GRIP2: variants seen among roughly 807,000 people sequenced by gnomAD.
The protein encoded by GRIP2 is glutamate receptor-interacting protein 2.
Under a neutral mutation model 108.3 loss-of-function variants are expected in GRIP2, and 58 were observed. The ratio of observed to expected loss-of-function variants is 0.54; its 90% confidence interval spans 0.43 to 0.67. The LOEUF (loss-of-function observed/expected upper bound fraction) is 0.67. Among genes scored for constraint, GRIP2 ranks in the 30% least tolerant of loss-of-function variants. The pLI is 0.00. For synonymous variants in GRIP2, 586 were observed against 598.2 expected (o/e 0.98, Z 0.30); for missense variants, 1,278 against 1,430.6 (o/e 0.89, Z 1.72).
intron 16 of GRIP2, among the ~76,000 whole-genome samples, chr3:14,510,865 C>T (rs1357738207): frequency 6.6e-6 from 1 of 152,180 alleles, no homozygotes; most frequent in Non-Finnish European, 1.5e-5. Flanking sequence ...CTCATCTCTC[C>T]ACCAGCTGCA....
chr3:14,552,039 G>A (rs545660755), intron 1 of GRIP2, among the ~76,000 whole-genome samples: 1 of 152,128 alleles, frequency 6.6e-6, no homozygotes, highest in African/African-American at 2.4e-5. Context: ...TAGGACGAGA[G>A]TTTATCCTTG....
At chr3:14,495,911 TGAG>T (rs1693587820) in intron 22 of GRIP2, among the ~76,000 whole-genome samples, 1 of 152,144 alleles carries the variant, frequency 6.6e-6, no homozygotes, top group Non-Finnish European at 1.5e-5. Context: ...TTTGAGAGGC[TGAG>T]GTGGGCAGAT....
At chr3:14,571,657 G>A in the GRIP2 span, among the ~76,000 whole-genome samples, 1 of 152,162 alleles carries the variant, frequency 6.6e-6, no homozygotes, top group South Asian at 2.1e-4. Context: ...CACCTGGCAG[G>A]GGAGCTGGAG....
intron 21 of GRIP2, among the ~76,000 whole-genome samples, chr3:14,499,581 A>G (rs1336571962): frequency 6.6e-6 from 1 of 151,844 alleles, no homozygotes; most frequent in African/African-American, 2.4e-5. Flanking sequence ...AAATTAACCA[A>G]GCGTGGTGGT....
At chr3:14,560,885 G>A (rs972953435), upstream of GRIP2, among the ~76,000 whole-genome samples, 9 of 152,158 alleles carry the variant, frequency 5.9e-5, no homozygotes, top group African/African-American at 1.9e-4. Flanking sequence ...GCGCAGCAAG[G>A]GCTCAGTGAA....
intron 1 of GRIP2, among the ~76,000 whole-genome samples, chr3:14,550,719 C>T (rs1695133343): frequency 6.6e-6 from 1 of 152,234 alleles, no homozygotes; most frequent in African/African-American, 2.4e-5. Context: ...AACCCCTTCA[C>T]CTCCATCCCC....
At chr3:14,584,786 T>A in the GRIP2 span, among the ~76,000 whole-genome samples, 1 of 152,166 alleles carries the variant, frequency 6.6e-6, no homozygotes, top group African/African-American at 2.4e-5. Flanking sequence ...CTGAATCTTT[T>A]ACGAAGCACC....
intron 1 of GRIP2, among the ~76,000 whole-genome samples, chr3:14,529,468 A>G (rs1299387096): frequency 6.6e-6 from 1 of 152,202 alleles, no homozygotes; most frequent in Non-Finnish European, 1.5e-5. Context: ...ATGCATTTCT[A>G]AATAAGAACA....
At chr3:14,493,905 C>T in intron 23 of GRIP2, 79 bp from the exon 24 acceptor site, 3 of 1,486,244 alleles carry the variant, frequency 2.0e-6, no homozygotes, top group Non-Finnish European at 2.7e-6. Flanking sequence ...CATGTGATGT[C>T]CTAAAGATGG....
Position 14,517,231 on chromosome 3 carries a change from C to A in GRIP2, c.1157-18G>T. ...AGACAAGGCTGGGGAGATGAGAGCA[C>A]AGCCCCGTGAACCCCAGCCGAGGCT... On this transcript the variant is annotated intron_variant, in intron 10 of 23. Transcript: ENST00000621039. The A allele has an allele frequency of 6.5e-7, 1 of 1,534,404 alleles. No individual in the cohort carries two copies. The highest frequency in any genetic ancestry group is 8.8e-7 in the Non-Finnish European group (1 of 1,137,852).
intron 1 of GRIP2, among the ~76,000 whole-genome samples, chr3:14,539,466 C>T (rs534710158): frequency 6.6e-6 from 1 of 152,258 alleles, no homozygotes; most frequent in African/African-American, 2.4e-5. Context: ...TCGGCCACTG[C>T]CCTCCCTGAG....
chr3:14,523,016 C>A lies in GRIP2; in HGVS notation c.550G>T (p.Gly184Cys), dbSNP rs1158075560. The A allele has an allele frequency of 1.9e-6, 3 of 1,613,542 alleles. No individual in the cohort carries two copies. Among genetic ancestry groups the A allele is most frequent in the Non-Finnish European group, 2.5e-6 (3 of 1,179,756 alleles). ...RPLVLTYVRP[G>C]GPADREGSLK... ...TCGGCTCACCTGTCGGCAGGGCCAC[C>A]GGGCCGCACGTAGGTCAGGACAAGC... The change falls in exon 6 of 24, where the codon GGT becomes TGT. Residue 184 changes from glycine (G) to cysteine (C), a missense_variant. Physicochemically the swap from Gly to Cys is radical, Grantham distance 159. Coordinates refer to ENST00000621039, the MANE Select transcript of GRIP2 (RefSeq NM_001080423.4).
chr3:14,572,837 C>A, the GRIP2 span: 1 of 1,070,752 alleles, frequency 9.3e-7, no homozygotes, highest in South Asian at 1.3e-5. Context: ...GTCCCTGGAG[C>A]CCGCAGCCAG....
chr3:14,515,059 T>C (rs945578198), intron 11 of GRIP2, among the ~76,000 whole-genome samples: 1 of 152,238 alleles, frequency 6.6e-6, no homozygotes, highest in Non-Finnish European at 1.5e-5. Context: ...CATTTGCCTG[T>C]TCTGGGCACT....
the GRIP2 span, among the ~76,000 whole-genome samples, chr3:14,567,592 T>A: frequency 3.3e-5 from 5 of 152,190 alleles, no homozygotes; most frequent in Admixed American, 3.3e-4. Flanking sequence ...ACTCTTCTAG[T>A]CCTCAAACAA....
the GRIP2 span, among the ~76,000 whole-genome samples, chr3:14,572,598 C>T: frequency 1.5e-5 from 1 of 68,476 alleles, no homozygotes; most frequent in Non-Finnish European, 2.5e-5. Context: ...GGTGACAGAG[C>T]GAGACTCCGT....
At chr3:14,571,493 G>A in the GRIP2 span, among the ~76,000 whole-genome samples, 10 of 150,968 alleles carry the variant, frequency 6.6e-5, no homozygotes, top group South Asian at 2.1e-4. Context: ...TACCCACACC[G>A]CACCTCCCAA....
chr3:14,541,875 A>G, upstream of GRIP2: 1 of 1,330,276 alleles, frequency 7.5e-7, no homozygotes, highest in Admixed American at 2.1e-5. Context: ...ACACGCACTC[A>G]ATTTGGCCAC....
the GRIP2 span, among the ~76,000 whole-genome samples, chr3:14,576,497 G>A: frequency 1.3e-5 from 2 of 152,234 alleles, no homozygotes; most frequent in African/African-American, 2.4e-5. Context: ...GGGGAGAGGC[G>A]AGGGTGAGAG....
Sources: gnomAD v4.1 joint callset for allele counts (sites outside exome capture counted in the v4.1 genomes callset) on GRCh38, gnomAD v4.1.1 for gene constraint, MANE v1.5 for transcripts, NCBI Gene and HGNC (gene_info 2026-07-23, HGNC 2026-07-21) for gene names.